Variants in LINGO2 observed in about 807,000 individuals in gnomAD.
LINGO2 encodes leucine-rich repeat and immunoglobulin-like domain-containing nogo receptor-interacting protein 2.
A neutral mutation model predicts 30.6 loss-of-function variants in LINGO2; 14 were observed. The ratio of observed to expected loss-of-function variants is 0.46; its 90% confidence interval spans 0.30 to 0.72. LINGO2 has a LOEUF of 0.72. LINGO2 is among the 30% of genes least tolerant of loss of function. LINGO2 has a pLI of 0.07. For missense variants in LINGO2, 729 were observed against 751.7 expected (o/e 0.97, Z 0.35); for synonymous variants, 317 against 288.5 (o/e 1.10, Z -1.00).
intron 5 of LINGO2, among the ~76,000 whole-genome samples, chr9:27,972,572 C>T (rs1210441668): frequency 6.6e-6 from 1 of 152,176 alleles, no homozygotes; most frequent in Non-Finnish European, 1.5e-5. Flanking sequence ...GTGATCTGGA[C>T]TTGGCTCTCC....
chr9:28,679,387 G>A, the LINGO2 span, among the ~76,000 whole-genome samples: 1 of 151,964 alleles, frequency 6.6e-6, no homozygotes, highest in South Asian at 2.1e-4. Flanking sequence ...TTGCTGTTTT[G>A]TAGATGTCAT....
At chr9:28,641,117 T>G (rs558879985) in intron 1 of LINGO2, among the ~76,000 whole-genome samples, 7 of 152,172 alleles carry the variant, frequency 4.6e-5, no homozygotes, top group African/African-American at 1.4e-4. Flanking sequence ...CACTGCAAGC[T>G]CCACCTCCCA....
At chr9:28,945,275 T>C in the LINGO2 span, among the ~76,000 whole-genome samples, 1 of 152,144 alleles carries the variant, frequency 6.6e-6, no homozygotes, top group Non-Finnish European at 1.5e-5. Flanking sequence ...TTAATATATA[T>C]GAAAGCAACT....
chr9:28,499,305 C>T (rs1819790206), intron 1 of LINGO2, among the ~76,000 whole-genome samples: 1 of 152,136 alleles, frequency 6.6e-6, no homozygotes, highest in Non-Finnish European at 1.5e-5. Flanking sequence ...GTCAGACCTA[C>T]CTGGGGTTTT....
At chr9:28,770,782 A>C in the LINGO2 span, among the ~76,000 whole-genome samples, 1 of 152,254 alleles carries the variant, frequency 6.6e-6, no homozygotes, top group Non-Finnish European at 1.5e-5. Context: ...GGATGAAAGT[A>C]TTAATTGTTA....
rs151056002 is a variant in LINGO2, at chr9:27,962,188, G to A, written c.-35-11482C>T. ...CTTTCCAGTTCGTTTTTGAATTGAC[G>A]GTAAAGTGCGAGTCGTTTTTTATAG... is the stretch of plus-strand genomic sequence containing the variant. On this transcript the variant is annotated intron_variant, in intron 5 of 5. Transcript: ENST00000379992. Among the ~76,000 whole-genome samples the A allele has an allele frequency of 5.5e-3, 840 of 152,144 alleles. 3 individuals are homozygous for A. Among genetic ancestry groups the A allele is most frequent in the Non-Finnish European group, 9.6e-3 (651 of 67,998 alleles).
chr9:28,534,899 T>C (rs370260301), intron 1 of LINGO2, among the ~76,000 whole-genome samples: 2 of 152,144 alleles, frequency 1.3e-5, no homozygotes, highest in Admixed American at 6.6e-5. Context: ...TGCTCTATTA[T>C]TGTATATCAA....
Position 28,664,996 on chromosome 9 carries a change from C to CATAT in LINGO2, c.-365+5200_-365+5203dup, listed in dbSNP as rs10527878. 9.4e-3 allele frequency among the ~76,000 whole-genome samples: 908 copies of CATAT among 96,116 alleles called. 23 individuals carry two copies. Among genetic ancestry groups the CATAT allele is most frequent in the South Asian group, 0.014 (27 of 1,944 alleles). 63.1% of individuals were successfully genotyped at this position (96,116 alleles called of 152,430 possible). A position where few individuals can be genotyped will look rare whatever the true frequency, so the allele number is the denominator to read the frequency against. On this transcript the variant is annotated intron_variant, in intron 1 of 5. Transcript: ENST00000379992. ...TCTGTATTATTTATGTATGTGTTTA[C>CATAT]ATATATATATATATATATATATATA...
downstream of LINGO2, chr9:27,943,425 C>T (rs1823243719): frequency 6.6e-6 from 1 of 151,992 alleles, no homozygotes; most frequent in South Asian, 2.1e-4. Context: ...TTGATTATGC[C>T]AGCTCTTTTC....
the LINGO2 span, among the ~76,000 whole-genome samples, chr9:28,995,247 C>T: frequency 3.3e-5 from 5 of 152,160 alleles, no homozygotes; most frequent in African/African-American, 1.2e-4. Flanking sequence ...GACATTTATG[C>T]TGCCAAAAAA....
the LINGO2 span, among the ~76,000 whole-genome samples, chr9:28,710,200 AGT>A: frequency 6.6e-6 from 1 of 151,804 alleles, no homozygotes; most frequent in Admixed American, 6.6e-5. Context: ...GGCCCCAAAG[AGT>A]TGCCTTGAAC....
At chr9:28,862,328 T>C in the LINGO2 span, among the ~76,000 whole-genome samples, 1 of 151,654 alleles carries the variant, frequency 6.6e-6, no homozygotes, top group Non-Finnish European at 1.5e-5. Context: ...GAATAACATG[T>C]TTGTATCATA....
chr9:28,854,497 A>T, the LINGO2 span, among the ~76,000 whole-genome samples: 1 of 151,980 alleles, frequency 6.6e-6, no homozygotes, highest in Admixed American at 6.6e-5. Context: ...TGAAAACAGA[A>T]AATCACTGAT....
the LINGO2 span, among the ~76,000 whole-genome samples, chr9:29,149,580 CCA>C: frequency 5.3e-5 from 8 of 151,762 alleles, no homozygotes; most frequent in African/African-American, 1.7e-4. Context: ...GGGCTAGTTT[CCA>C]CCCCTGAACA....
At chr9:29,021,611 C>T in the LINGO2 span, among the ~76,000 whole-genome samples, 2 of 150,836 alleles carry the variant, frequency 1.3e-5, no homozygotes, top group African/African-American at 2.4e-5. Context: ...GAGCGGAAAT[C>T]GCTCCACTGC....
rs150950779 is a variant in LINGO2, at chr9:28,445,784, TG to T, written c.-279+30155del. ...TCTGCCTGGTGACAATGTTACTTAT[TG>T]TTGGCAACATTTTTAAAGATGAAAT... On this transcript the variant is annotated intron_variant, in intron 2 of 5. Coordinates refer to ENST00000379992, the Ensembl canonical transcript of LINGO2. Among the ~76,000 whole-genome samples, 1,230 of 152,316 alleles carry T rather than the reference TG, an allele frequency of 8.1e-3. 16 individuals carry two copies. The highest frequency in any genetic ancestry group is 0.028 in the African/African-American group (1,155 of 41,566).
At chr9:28,444,702 G>T (rs1298013967) in intron 2 of LINGO2, among the ~76,000 whole-genome samples, 1 of 152,192 alleles carries the variant, frequency 6.6e-6, no homozygotes, top group African/African-American at 2.4e-5. Context: ...TGGTATGTCT[G>T]GTCCAACTGG....
intron 2 of LINGO2, among the ~76,000 whole-genome samples, chr9:28,376,295 G>A (rs1487618611): frequency 1.3e-5 from 2 of 152,064 alleles, no homozygotes; most frequent in Non-Finnish European, 2.9e-5. Context: ...CGAAGCGAGA[G>A]ATATTAAGTA....
chr9:29,089,788 G>A, the LINGO2 span, among the ~76,000 whole-genome samples: 1 of 151,942 alleles, frequency 6.6e-6, no homozygotes, highest in African/African-American at 2.4e-5. Flanking sequence ...CTTCTTACAA[G>A]AAGTTTCATA....
Sources: gnomAD v4.1 joint callset for allele counts (sites outside exome capture counted in the v4.1 genomes callset) on GRCh38, gnomAD v4.1.1 for gene constraint, MANE v1.5 for transcripts, NCBI Gene and HGNC (gene_info 2026-07-23, HGNC 2026-07-21) for gene names.